Variants in RSRC1 observed in about 807,000 individuals in gnomAD.
RSRC1 encodes serine/Arginine-related protein 53.
RSRC1 carries 39 observed loss-of-function variants against 49.1 expected under a neutral mutation model. The observed-to-expected ratio is 0.79, with a 90% CI of 0.61 to 1.04. RSRC1 has a LOEUF of 1.04. RSRC1 is among the 50% of genes least tolerant of loss of function. RSRC1 has a pLI of 0.00. For missense variants in RSRC1, 388 were observed against 402.4 expected (o/e 0.96, Z 0.31); for synonymous variants, 143 against 130.8 (o/e 1.09, Z -0.63).
chr3:158,522,426 C>G (rs948782792), intron 7 of RSRC1, among the ~76,000 whole-genome samples: 2 of 152,058 alleles, frequency 1.3e-5, no homozygotes, highest in Non-Finnish European at 1.5e-5. Flanking sequence ...TCCACCACAG[C>G]CTTCCAAACA....
intron 3 of RSRC1, among the ~76,000 whole-genome samples, chr3:158,130,011 T>C (rs566850592): frequency 3.9e-5 from 6 of 152,246 alleles, no homozygotes; most frequent in Non-Finnish European, 8.8e-5. Flanking sequence ...GACAAGATAC[T>C]GTGTGACTTA....
intron 8 of RSRC1, 94 bp from the exon 9 acceptor site, chr3:158,543,241 T>C: frequency 8.8e-7 from 1 of 1,130,060 alleles, no homozygotes; most frequent in Non-Finnish European, 1.2e-6. Flanking sequence ...CAAAGGAGAC[T>C]AATTGAACAG....
intron 4 of RSRC1, among the ~76,000 whole-genome samples, chr3:158,212,320 G>A (rs2682407): frequency 0.65 from 98,242 of 151,292 alleles, 32,167 homozygotes; most frequent in East Asian, 0.84. Flanking sequence ...TCAAGTGTGC[G>A]TGTGCATTCA....
At chr3:158,393,530 A>C (rs1733439979) in intron 6 of RSRC1, among the ~76,000 whole-genome samples, 1 of 152,040 alleles carries the variant, frequency 6.6e-6, no homozygotes, top group Non-Finnish European at 1.5e-5. Context: ...AGACTACTAC[A>C]AACACCTCTC....
chr3:158,346,371 T>C (rs1034171700), intron 5 of RSRC1, among the ~76,000 whole-genome samples: 1 of 152,178 alleles, frequency 6.6e-6, no homozygotes, highest in Non-Finnish European at 1.5e-5. Context: ...AAAAGTCCAG[T>C]TGGATTTTGC....
intron 3 of RSRC1, among the ~76,000 whole-genome samples, chr3:158,184,065 A>C (rs945603913): frequency 1.3e-5 from 2 of 152,122 alleles, no homozygotes; most frequent in Non-Finnish European, 2.9e-5. Flanking sequence ...TTGAACTTGA[A>C]TTTAGGAATA....
intron 6 of RSRC1, among the ~76,000 whole-genome samples, chr3:158,382,266 A>G (rs1296162242): frequency 1.3e-5 from 2 of 152,124 alleles, no homozygotes; most frequent in African/African-American, 4.8e-5. Context: ...GCCTTCTGTA[A>G]TATCTCCTGG....
At chr3:158,439,802 T>G (rs1736277326) in intron 6 of RSRC1, among the ~76,000 whole-genome samples, 1 of 151,848 alleles carries the variant, frequency 6.6e-6, no homozygotes, top group African/African-American at 2.4e-5. Context: ...ACCCTAGAAC[T>G]TGAAGTACAA....
At chr3:158,122,652 C>T (rs1209014298) in intron 2 of RSRC1, among the ~76,000 whole-genome samples, 2 of 151,778 alleles carry the variant, frequency 1.3e-5, no homozygotes, top group Non-Finnish European at 1.5e-5. Context: ...CATATGTATA[C>T]ATGTGCCATG....
At chr3:158,355,646 A>G (rs571531166) in intron 6 of RSRC1, among the ~76,000 whole-genome samples, 2 of 152,122 alleles carry the variant, frequency 1.3e-5, no homozygotes, top group Middle Eastern at 6.8e-3. Flanking sequence ...ATAGACATTA[A>G]ATACTTTACT....
intron 7 of RSRC1, chr3:158,496,417 A>G (rs1739323850): frequency 6.6e-6 from 1 of 152,226 alleles, no homozygotes; most frequent in Non-Finnish European, 1.5e-5. Context: ...TGATGCCGAT[A>G]CAATTGGTCT....
intron 3 of RSRC1, among the ~76,000 whole-genome samples, chr3:158,200,937 T>C (rs1721010049): frequency 6.6e-6 from 1 of 152,136 alleles, no homozygotes; most frequent in Non-Finnish European, 1.5e-5. Context: ...ATTTATTTAC[T>C]TTCTATTAGT....
chr3:158,117,869 A>ATGTC lies in RSRC1; in HGVS notation c.-2-4228_-2-4225dup, dbSNP rs1438182088. ...AGATTGATCCTCTTCTGTTTGTAAA[A>ATGTC]TGTCTGTCTCTTTTTCTTTCTTTCT... On this transcript the variant is annotated intron_variant, in intron 1 of 9. Coordinates refer to ENST00000611884, the MANE Select transcript of RSRC1 (RefSeq NM_001271838.2). Among the ~76,000 whole-genome samples, 16 of 145,582 alleles carry ATGTC rather than the reference A, an allele frequency of 1.1e-4. 1 individual carries two copies. Among genetic ancestry groups the ATGTC allele is most frequent in the Admixed American group, 8.6e-4 (13 of 15,062 alleles).
At chr3:158,264,921 G>A (rs553942482) in intron 4 of RSRC1, among the ~76,000 whole-genome samples, 2 of 152,318 alleles carry the variant, frequency 1.3e-5, no homozygotes, top group South Asian at 4.1e-4. Flanking sequence ...CTTTGAAATT[G>A]TGTTTTCTTT....
intron 4 of RSRC1, among the ~76,000 whole-genome samples, chr3:158,252,981 C>G (rs187009718): frequency 6.6e-6 from 1 of 151,978 alleles, no homozygotes; most frequent in East Asian, 1.9e-4. Context: ...CTCTTTTTCT[C>G]TTAGACTGAC....
chr3:158,445,300 C>T (rs1227013404), intron 6 of RSRC1, among the ~76,000 whole-genome samples: 1 of 152,100 alleles, frequency 6.6e-6, no homozygotes, highest in Non-Finnish European at 1.5e-5. Flanking sequence ...GTGGCACATA[C>T]ACCCCATGAA....
At position 158,373,490 on chromosome 3, in the gene RSRC1, T is replaced by C. The variant is rs76791521; in HGVS notation, c.583+18582T>C. On this transcript the variant is annotated intron_variant, in intron 6 of 9. Transcript: ENST00000611884. The stretch of plus-strand genomic sequence containing the variant: ...TTCAGTATCTATATAGATGATTATA[T>C]GTATTTTCTTCTTTATACTATTGAT... 1.7e-3 allele frequency among the ~76,000 whole-genome samples: 255 copies of C among 152,110 alleles called. 4 individuals carry two copies. In the East Asian group the frequency reaches 0.045, roughly 27 times the overall value.
intron 3 of RSRC1, among the ~76,000 whole-genome samples, chr3:158,146,282 T>A (rs1441015278): frequency 6.6e-6 from 1 of 152,192 alleles, no homozygotes; most frequent in Non-Finnish European, 1.5e-5. Context: ...TAATAGCTCT[T>A]ATTATTTTGA....
At chr3:158,301,991 G>GTT (rs35843326) in intron 5 of RSRC1, among the ~76,000 whole-genome samples, 7,347 of 142,686 alleles carry the variant, frequency 0.051, 207 homozygotes, top group East Asian at 0.089. Flanking sequence ...GGGTTTTTTT[G>GTT]TTTTTTTTTT....
Sources: gnomAD v4.1 joint callset for allele counts (sites outside exome capture counted in the v4.1 genomes callset) on GRCh38, gnomAD v4.1.1 for gene constraint, MANE v1.5 for transcripts, NCBI Gene and HGNC (gene_info 2026-07-23, HGNC 2026-07-21) for gene names.